Variants in GSE1 observed in about 807,000 individuals in gnomAD.
GSE1 encodes the protein genetic suppressor element 1.
Under a neutral mutation model 112.6 loss-of-function variants are expected in GSE1, and 32 were observed. That is an observed-to-expected ratio of 0.28 (90% CI 0.21 to 0.38). GSE1 has a LOEUF of 0.38. Among genes scored for constraint, GSE1 ranks in the 10% least tolerant of loss-of-function variants. GSE1 has a pLI of 1.00. For missense variants in GSE1, 2,348 were observed against 1,699.2 expected (o/e 1.38, Z -6.71); for synonymous variants, 1,115 against 735.6 (o/e 1.52, Z -8.35).
intron 1 of GSE1, among the ~76,000 whole-genome samples, chr16:85,206,068 A>C (rs569568883): frequency 6.6e-6 from 1 of 152,124 alleles, no homozygotes; most frequent in African/African-American, 2.4e-5. Flanking sequence ...GGAACAGGGC[A>C]GGTAGGGAAC....
At chr16:85,480,392 A>T (rs2151869223) in intron 2 of GSE1, among the ~76,000 whole-genome samples, 1 of 151,930 alleles carries the variant, frequency 6.6e-6, no homozygotes, top group Non-Finnish European at 1.5e-5. Context: ...CGCGCGTGGC[A>T]CCAGTGTGAG....
intron 1 of GSE1, among the ~76,000 whole-genome samples, chr16:85,178,963 C>A (rs1480820387): frequency 1.3e-5 from 2 of 152,038 alleles, no homozygotes; most frequent in African/African-American, 2.4e-5. Flanking sequence ...GTGGGGCTGC[C>A]CTGGAGAAAG....
At chr16:85,275,681 C>A (rs749910458) in intron 1 of GSE1, among the ~76,000 whole-genome samples, 1 of 152,172 alleles carries the variant, frequency 6.6e-6, no homozygotes, top group East Asian at 1.9e-4. Flanking sequence ...GGTGAGGGGA[C>A]CCCAGGGACT....
chr16:85,337,849 T>C (rs533530655), intron 1 of GSE1, among the ~76,000 whole-genome samples: 1 of 152,362 alleles, frequency 6.6e-6, no homozygotes, highest in African/African-American at 2.4e-5. Context: ...GCGCCGTCAG[T>C]GTTCTCATTC....
rs1014467139 is a variant in GSE1 at position 85,314,166 on chromosome 16, C to A, written c.2284-43297C>A. ...GGCTGTCACTTCCCCAGCCTCCCTCCCCTGAGGCAGTGCCTCACAGAGCCC... is the reference window on the plus strand; with the variant it reads ...GGCTGTCACTTCCCCAGCCTCCCTCACCTGAGGCAGTGCCTCACAGAGCCC... On this transcript the variant is annotated intron_variant, in intron 1 of 2. Coordinates refer to the GSE1 transcript ENST00000637419. Among the ~76,000 whole-genome samples, 3 of 152,276 alleles carry A rather than the reference C, an allele frequency of 2.0e-5. No homozygotes were observed. In the East Asian group the frequency reaches 5.8e-4, roughly 29 times the overall value.
At chr16:85,265,937 GC>G (rs386793524) in intron 1 of GSE1, among the ~76,000 whole-genome samples, 23 of 152,326 alleles carry the variant, frequency 1.5e-4, no homozygotes, top group African/African-American at 5.5e-4. Flanking sequence ...GGTCCGCTGT[GC>G]CTGGTTCTGC....
At position 85,311,267 on chromosome 16, in the gene GSE1, G is replaced by A. The variant is rs923607741; in HGVS notation, c.2284-46196G>A. ...CAAAGGGGCAGAGCCTAGCCACGGA[G>A]AGAGGGTGTGCCATCCTCTCTGCCA... On this transcript the variant is annotated intron_variant, in intron 1 of 2. Coordinates refer to the GSE1 transcript ENST00000637419. The surrounding 1 kb of genome is among the most constrained non-coding windows in gnomAD (Gnocchi z 4.2). Among the ~76,000 whole-genome samples the A allele has an allele frequency of 6.6e-6, 1 of 152,232 alleles. No homozygotes were observed. The highest frequency in any genetic ancestry group is 2.4e-5 in the African/African-American group (1 of 41,470).
chr16:85,448,648 C>A (rs2049579486), intron 2 of GSE1, among the ~76,000 whole-genome samples: 1 of 152,244 alleles, frequency 6.6e-6, no homozygotes, highest in Non-Finnish European at 1.5e-5. Context: ...GCCTCTTCCT[C>A]CCTCCATCTG....
intron 2 of GSE1, among the ~76,000 whole-genome samples, chr16:85,478,016 T>C (rs1308989213): frequency 6.6e-6 from 1 of 152,082 alleles, no homozygotes; most frequent in East Asian, 1.9e-4. Flanking sequence ...CCATTAGCGG[T>C]CACTCCGCGC....
intron 2 of GSE1, among the ~76,000 whole-genome samples, chr16:85,491,205 G>A (rs147510619): frequency 3.3e-5 from 5 of 152,340 alleles, no homozygotes; most frequent in East Asian, 3.9e-4. Flanking sequence ...TTGTGTTCAC[G>A]CAGCATCAGG....
At chr16:85,216,103 G>T (rs1171104790) in intron 1 of GSE1, among the ~76,000 whole-genome samples, 1 of 152,250 alleles carries the variant, frequency 6.6e-6, no homozygotes, top group Non-Finnish European at 1.5e-5. Flanking sequence ...GACTGAGCGA[G>T]AGGGTGGCCC....
exon 1 of GSE1, chr16:85,170,277 G>T: frequency 1.0e-6 from 1 of 985,708 alleles, no homozygotes; most frequent in Non-Finnish European, 1.2e-6. Context: ...CCAAGTCCGG[G>T]GTTAGGCGCC....
At chr16:85,263,032 CCCACA>C (rs1907868949) in intron 1 of GSE1, among the ~76,000 whole-genome samples, 5 of 152,228 alleles carry the variant, frequency 3.3e-5, no homozygotes, top group African/African-American at 1.2e-4. Context: ...ACACACGGAT[CCCACA>C]GATCGCGGGA....
chr16:85,226,174 T>G (rs2075482228), intron 1 of GSE1, among the ~76,000 whole-genome samples: 1 of 152,134 alleles, frequency 6.6e-6, no homozygotes, highest in Non-Finnish European at 1.5e-5. Context: ...CGTCAGAGGA[T>G]CCATGGACAT....
chr16:85,290,250 C>A (rs182217748), intron 1 of GSE1, among the ~76,000 whole-genome samples: 1 of 152,214 alleles, frequency 6.6e-6, no homozygotes, highest in Non-Finnish European at 1.5e-5. Flanking sequence ...CCTGCACAGG[C>A]CTGCCCTGCC....
intron 3 of GSE1, among the ~76,000 whole-genome samples, chr16:85,649,565 C>T (rs754710): frequency 0.32 from 49,034 of 152,100 alleles, 9,739 homozygotes; most frequent in East Asian, 0.65. Flanking sequence ...AAGGAGCTGG[C>T]ACTGGGAGCT....
intron 1 of GSE1, among the ~76,000 whole-genome samples, chr16:85,349,147 G>A (rs527716109): frequency 6.6e-5 from 10 of 152,256 alleles, no homozygotes; most frequent in South Asian, 4.2e-4. Flanking sequence ...ACACCCGGTC[G>A]CCAGCGCACA....
chr16:85,669,317 A>C (rs796335077), intron 14 of GSE1, among the ~76,000 whole-genome samples: 15 of 152,318 alleles, frequency 9.8e-5, no homozygotes, highest in African/African-American at 3.6e-4. Flanking sequence ...TTATCATCAC[A>C]TATGACAGTG....
At chr16:85,331,172 AGACC>A (rs2046332158) in intron 1 of GSE1, among the ~76,000 whole-genome samples, 1 of 149,612 alleles carries the variant, frequency 6.7e-6, no homozygotes, top group South Asian at 2.1e-4. Context: ...TTATTTTTTG[AGACC>A]GACTCTCACT....
Sources: gnomAD v4.1 joint callset for allele counts (sites outside exome capture counted in the v4.1 genomes callset) on GRCh38, gnomAD v4.1.1 for gene constraint, Gnocchi (gnomAD v3.1) non-coding constraint, MANE v1.5 for transcripts, NCBI Gene and HGNC (gene_info 2026-07-23, HGNC 2026-07-21) for gene names.